Variants in ZNF705G observed in about 807,000 individuals in gnomAD.
The protein encoded by ZNF705G is putative zinc finger protein 705G.
In ZNF705G, 23 loss-of-function variants were observed where a neutral mutation model predicts 19.6. That is an observed-to-expected ratio of 1.17 (90% CI 0.84 to 1.66). The LOEUF is 1.66. Among genes scored for constraint, ZNF705G ranks in the 40% most tolerant of loss-of-function variants. ZNF705G has a pLI of 0.00. For synonymous variants in ZNF705G, 146 were observed against 117.7 expected, an observed-to-expected ratio of 1.24 and a Z score of -1.56; for missense variants, 457 against 354.4, an observed-to-expected ratio of 1.29 and a Z score of -2.32.
intron 2 of ZNF705G, among the ~76,000 whole-genome samples, chr8:7,379,203 T>G (rs866664186): frequency 6.8e-6 from 1 of 148,036 alleles, no homozygotes; most frequent in Non-Finnish European, 1.5e-5. Flanking sequence ...CATGGACTAC[T>G]CGAAATCTCA....
In ZNF705G at chr8:7,358,178, C is replaced by G. The variant is rs771826837; in HGVS notation, c.701G>C (p.Gly234Ala). Residue 234 changes from glycine (G) to alanine (A), a missense_variant, in exon 7 of 7, where the codon GGG becomes GCG. Transcript: ENST00000400156. Reference sequence around the variant, plus strand: ...GTTAAAGGATTGAATAAAGACTTTCCCATATTGATGACACTTATATGGTCT... The same window carrying G: ...GTTAAAGGATTGAATAAAGACTTTCGCATATTGATGACACTTATATGGTCT... ...GQRPYKCHQYGKVFIQSFNLQ... is the reference protein window; with the variant it reads ...GQRPYKCHQYAKVFIQSFNLQ... 1 of 1,607,474 alleles carries G rather than the reference C, an allele frequency of 6.2e-7. No homozygotes were observed. Among genetic ancestry groups the G allele is most frequent in the South Asian group, 1.1e-5 (1 of 90,712 alleles).
In ZNF705G at chr8:7,361,160, T is replaced by C. The variant is rs754791974; in HGVS notation, c.89A>G (p.Lys30Arg). ...EWAMMDTSKR[K>R]LYRDVMLENI... Reference sequence around the variant, plus strand: ...TTCCAGCATCACATCTCTGTACAGCTTTCTCTTGGATGTGTCCATCATGGC... The same window carrying C: ...TTCCAGCATCACATCTCTGTACAGCCTTCTCTTGGATGTGTCCATCATGGC... Residue 30 changes from lysine to arginine, a missense_variant, in exon 4 of 7, where the codon AAG (lysine) becomes AGG (arginine). Lys to Arg is a conservative substitution (Grantham distance 26). Coordinates refer to ENST00000400156, the MANE Select transcript of ZNF705G (RefSeq NM_001164457.3). 6.3e-7 allele frequency: 1 copy of C among 1,593,090 alleles called. No homozygotes were observed.
At chr8:7,381,960 T>A (rs1224165222) in intron 1 of ZNF705G, among the ~76,000 whole-genome samples, 1 of 152,200 alleles carries the variant, frequency 6.6e-6, no homozygotes, top group African/African-American at 2.4e-5. Context: ...GGGTAACTAA[T>A]ACTTAAATCC....
intron 2 of ZNF705G, among the ~76,000 whole-genome samples, chr8:7,380,849 A>G (rs1299058116): frequency 2.1e-5 from 3 of 143,404 alleles, no homozygotes; most frequent in Non-Finnish European, 3.0e-5. Context: ...GAGAAACTCC[A>G]TCTCTACTAA....
chr8:7,364,155 T>C (rs762444005), intron 2 of ZNF705G, among the ~76,000 whole-genome samples: 1 of 149,652 alleles, frequency 6.7e-6, no homozygotes, highest in Non-Finnish European at 1.5e-5. Flanking sequence ...TGCTGAGAAA[T>C]ACCGATGTCC....
chr8:7,360,114 A>G, intron 5 of ZNF705G, 123 bp downstream of exon 5: 1 of 1,166,750 alleles, frequency 8.6e-7, no homozygotes, highest in African/African-American at 1.8e-5. Flanking sequence ...ATTCTGCTCC[A>G]GTAGCCTAAC....
At chr8:7,382,085 C>T (rs550274062) in intron 1 of ZNF705G, among the ~76,000 whole-genome samples, 1 of 151,968 alleles carries the variant, frequency 6.6e-6, no homozygotes, top group Non-Finnish European at 1.5e-5. Context: ...GAGCTACCTG[C>T]AAATGCCTTT....
rs1225345877 is a variant in ZNF705G, at chr8:7,366,679, C to T, written c.-71-3662G>A. 2.2e-4 allele frequency among the ~76,000 whole-genome samples: 33 copies of T among 149,724 alleles called. 6 individuals are homozygous for T. The highest frequency in any genetic ancestry group is 8.4e-4 in the African/African-American group (33 of 39,116). On this transcript the variant is annotated intron_variant, in intron 2 of 6. Transcript: ENST00000400156. ...CTGTACGTTATTTTTAAAAAATAAT[C>T]TAAGTACTTACCTCAATAAGGTAAA...
chr8:7,363,649 C>G lies in ZNF705G; in HGVS notation c.-71-632G>C, dbSNP rs1244890398. On this transcript the variant is annotated intron_variant, in intron 2 of 6. Transcript: ENST00000400156. ...TAGCCTGGCCAACATGGTGAAACCC[C>G]GTCTGTAGTAAAAATACAAAAATTA... is the stretch of plus-strand genomic sequence containing the variant. Among the ~76,000 whole-genome samples the G allele has an allele frequency of 3.3e-5, 5 of 149,380 alleles. No homozygotes were observed. The East Asian group carries it at 5.8e-4, about 17-fold the overall frequency.
In ZNF705G at chr8:7,368,465, T is replaced by C. The variant is rs188044965; in HGVS notation, c.-71-5448A>G. On this transcript the variant is annotated intron_variant, in intron 2 of 6. Coordinates refer to ENST00000400156, the MANE Select transcript of ZNF705G (RefSeq NM_001164457.3). ...GACTTGAAAACAAATGGAAGGCGAATAGATATAAAAAGTTTCAATGTTCAT... is the reference window on the plus strand; with the variant it reads ...GACTTGAAAACAAATGGAAGGCGAACAGATATAAAAAGTTTCAATGTTCAT... 1.8e-3 allele frequency among the ~76,000 whole-genome samples: 265 copies of C among 149,362 alleles called. 2 individuals carry two copies. Among genetic ancestry groups the C allele is most frequent in the Non-Finnish European group, 2.3e-3 (156 of 67,974 alleles).
chr8:7,365,258 G>C (rs71241132), intron 2 of ZNF705G, among the ~76,000 whole-genome samples: 1 of 148,656 alleles, frequency 6.7e-6, no homozygotes, highest in Non-Finnish European at 1.5e-5. Context: ...TCATTAATTC[G>C]TGGAAAAAAA....
chr8:7,364,602 C>A lies in ZNF705G; in HGVS notation c.-71-1585G>T, dbSNP rs1015848446. ...TCTTGCTTTTTGACAAAATTACTCCCCTAACCAACGTTCTCTATGATTCTG... is the reference window on the plus strand; with the variant it reads ...TCTTGCTTTTTGACAAAATTACTCCACTAACCAACGTTCTCTATGATTCTG... On this transcript the variant is annotated intron_variant, in intron 2 of 6. Transcript: ENST00000400156. 9.4e-5 allele frequency among the ~76,000 whole-genome samples: 14 copies of A among 149,570 alleles called. 5 individuals carry two copies. The highest frequency in any genetic ancestry group is 3.6e-4 in the African/African-American group (14 of 38,954).
chr8:7,360,003 G>C (rs1419403396), intron 5 of ZNF705G, among the ~76,000 whole-genome samples: 3 of 149,160 alleles, frequency 2.0e-5, no homozygotes, highest in African/African-American at 5.2e-5. Context: ...CCCCAGCCAA[G>C]TACATGAATT....
At chr8:7,380,583 A>G (rs1271752677) in intron 2 of ZNF705G, among the ~76,000 whole-genome samples, 1 of 147,050 alleles carries the variant, frequency 6.8e-6, no homozygotes, top group Non-Finnish European at 1.5e-5. Context: ...TACTCTGTCC[A>G]TCATGTTGCC....
At position 7,380,971 on chromosome 8, in the gene ZNF705G, G is replaced by T. The variant is rs189032851; in HGVS notation, c.-72+481C>A. On this transcript the variant is annotated intron_variant, in intron 2 of 6. Transcript: ENST00000400156. ...GGCAGAGTTGCAGTGAGTTGAAATTGTGCCACTGCACTGCAGCCTGGCCTA... is the reference window on the plus strand; with the variant it reads ...GGCAGAGTTGCAGTGAGTTGAAATTTTGCCACTGCACTGCAGCCTGGCCTA... 1.1e-3 allele frequency among the ~76,000 whole-genome samples: 123 copies of T among 109,826 alleles called. 3 individuals are homozygous for T. The highest frequency in any genetic ancestry group is 6.3e-3 in the African/African-American group (121 of 19,250). 72.1% of individuals were successfully genotyped at this position (109,826 alleles called of 152,430 possible).
At chr8:7,365,564 T>C (rs1313696809) in intron 2 of ZNF705G, among the ~76,000 whole-genome samples, 2 of 149,046 alleles carry the variant, frequency 1.3e-5, no homozygotes, top group African/African-American at 2.6e-5. Context: ...TAGACGTGGT[T>C]TCTCCATTTT....
chr8:7,357,779 C>T lies in ZNF705G; in HGVS notation c.*197G>A, dbSNP rs1806342037. On this transcript the variant is annotated 3_prime_UTR_variant, in exon 7 of 7. Coordinates refer to ENST00000400156, the MANE Select transcript of ZNF705G (RefSeq NM_001164457.3). The stretch of plus-strand genomic sequence containing the variant: ...GCATGTTTAGATGCTACAACTACAG[C>T]TGAAGTCTCTTCCACATTCCTTACC... 1 of 894,458 alleles carries T rather than the reference C, an allele frequency of 1.1e-6. No homozygotes were observed. The highest frequency in any genetic ancestry group is 1.9e-5 in the African/African-American group (1 of 52,226). 55.4% of individuals were successfully genotyped at this position (894,458 alleles called of 1,614,324 possible). A position where few individuals can be genotyped will look rare whatever the true frequency, so the allele number is the denominator to read the frequency against.
At position 7,365,761 on chromosome 8, in the gene ZNF705G, G is replaced by C. The variant is rs1280670045; in HGVS notation, c.-71-2744C>G. ...GGACACCCGTAAAAATTAAGAGGCCGACTTGTGACTTCCTAGCCCTTTCAC... is the reference window on the plus strand; with the variant it reads ...GGACACCCGTAAAAATTAAGAGGCCCACTTGTGACTTCCTAGCCCTTTCAC... On this transcript the variant is annotated intron_variant, in intron 2 of 6. Transcript: ENST00000400156. Among the ~76,000 whole-genome samples the C allele has an allele frequency of 4.0e-5, 6 of 149,492 alleles. 1 individual carries two copies. Among genetic ancestry groups the C allele is most frequent in the African/African-American group, 1.5e-4 (6 of 38,906 alleles).
intron 2 of ZNF705G, among the ~76,000 whole-genome samples, chr8:7,369,133 A>T (rs1263906185): frequency 1.3e-5 from 2 of 149,486 alleles, no homozygotes; most frequent in Non-Finnish European, 2.9e-5. Context: ...TACCACGAGA[A>T]CAGCATGGGA....
Sources: allele counts gnomAD v4.1 joint callset (sites outside exome capture counted in the v4.1 genomes callset), GRCh38; gene constraint gnomAD v4.1.1; transcripts MANE v1.5; gene names NCBI Gene and HGNC (gene_info 2026-07-23, HGNC 2026-07-21).